The following IRAK4 variants were observed in gnomAD, a reference collection of about 807,000 sequenced individuals.
The protein encoded by IRAK4 is interleukin 1 receptor associated kinase 4, also known as interleukin-1 receptor-associated kinase 4.
IRAK4 carries 44 observed loss-of-function variants against 51.8 expected under a neutral mutation model. The ratio of observed to expected loss-of-function variants is 0.85; its 90% CI spans 0.67 to 1.09. IRAK4 has a LOEUF of 1.09. Among genes scored for constraint, IRAK4 ranks in the 50% least tolerant of loss-of-function variants. The pLI is 0.00. For missense variants in IRAK4, 487 were observed against 538.0 expected, an observed-to-expected ratio of 0.91 and a Z score of 0.94; for synonymous variants, 149 against 174.1, an observed-to-expected ratio of 0.86 and a Z score of 1.13.
chr12:43,783,848 C>T (rs193144060), intron 10 of IRAK4, 124 bp downstream of exon 10: 127 of 693,228 alleles, frequency 1.8e-4, no homozygotes, highest in Admixed American at 5.6e-4. Context: ...GGCTATTACA[C>T]GACAGCATAT....
intron 1 of IRAK4, 101 bp from the exon 2 acceptor site, chr12:43,768,002 T>C (rs899157435): frequency 1.7e-5 from 14 of 800,848 alleles, no homozygotes; most frequent in Non-Finnish European, 3.0e-5. Context: ...TATAATCAGT[T>C]GCTGACATTT....
At chr12:43,759,580 A>C (rs1319999698) in intron 1 of IRAK4, 1 of 152,822 alleles carries the variant, frequency 6.5e-6, no homozygotes, top group Non-Finnish European at 1.5e-5. Context: ...GGATAAAAGC[A>C]AACCCTGTCC....
At position 43,778,269 on chromosome 12, in the gene IRAK4, A is replaced by C. The variant is rs1325991231; in HGVS notation, c.908A>C (p.His303Pro). ...GCAGCTAATGGCATCAATTTTCTAC[A>C]TGAAAATCATCATATTCATAGAGAT... ...QGAANGINFL[H>P]ENHHIHRDIK... Residue 303 changes from histidine (H) to proline (P), a missense_variant, in exon 8 of 12, where the codon CAT (histidine) becomes CCT (proline). By Grantham distance (77) the His-to-Pro change is moderately conservative. Transcript: ENST00000613694. 2 of 1,603,270 alleles carry C rather than the reference A, an allele frequency of 1.2e-6. No individual in the cohort carries two copies. The highest frequency in any genetic ancestry group is 1.7e-6 in the Non-Finnish European group (2 of 1,170,408).
Position 43,777,052 on chromosome 12 carries a change from T to C in IRAK4, c.717-578T>C, listed in dbSNP as rs140822766. On this transcript the variant is annotated intron_variant, in intron 6 of 11. Transcript: ENST00000613694. ...TCAGCCTAGTCCTTAACCAAACTTATCACAAGTTCCAAAAATCTGAATTAT... is the reference window on the plus strand; with the variant it reads ...TCAGCCTAGTCCTTAACCAAACTTACCACAAGTTCCAAAAATCTGAATTAT... Among the ~76,000 whole-genome samples, 22 of 152,290 alleles carry C rather than the reference T, an allele frequency of 1.4e-4. No homozygotes were observed. The East Asian group carries it at 3.3e-3, about 23-fold the overall frequency.
In IRAK4 at chr12:43,771,287, A is replaced by G. The variant is rs1555167569; in HGVS notation, c.229A>G (p.Thr77Ala). ...TGAATTACTGTTTGACTGGGGCACC[A>G]CAAATTGCACAGTTGGTGATCTTGT... ...TSELLFDWGT[T>A]NCTVGDLVDL... The change falls in exon 3 of 12, where the codon ACA (threonine) becomes GCA (alanine). Residue 77 changes from threonine to alanine, a missense_variant. Transcript: ENST00000613694. 1 of 1,614,132 alleles carries G rather than the reference A, an allele frequency of 6.2e-7. No individual in the cohort carries two copies. Among genetic ancestry groups the G allele is most frequent in the Non-Finnish European group, 8.5e-7 (1 of 1,179,986 alleles).
At chr12:43,769,118 G>A (rs1261559347) in intron 2 of IRAK4, among the ~76,000 whole-genome samples, 1 of 151,832 alleles carries the variant, frequency 6.6e-6, no homozygotes, top group East Asian at 1.9e-4. Flanking sequence ...TTGGGGCAGT[G>A]GTGGCAGGAA....
chr12:43,766,111 A>G (rs4251571), intron 1 of IRAK4, among the ~76,000 whole-genome samples: 2,538 of 152,292 alleles, frequency 0.017, 34 homozygotes, highest in Middle Eastern at 0.037. Flanking sequence ...TAAAAATCCT[A>G]AAGTGGCTCT....
At chr12:43,777,058 G>T (rs1941340992) in intron 6 of IRAK4, among the ~76,000 whole-genome samples, 1 of 152,168 alleles carries the variant, frequency 6.6e-6, no homozygotes, top group Non-Finnish European at 1.5e-5. Flanking sequence ...CTTATCACAA[G>T]TTCCAAAAAT....
chr12:43,761,563 G>A (rs1022638680), intron 1 of IRAK4, among the ~76,000 whole-genome samples: 1 of 151,740 alleles, frequency 6.6e-6, no homozygotes, highest in East Asian at 1.9e-4. Context: ...TACTATCTCT[G>A]TTTTTCAGAT....
chr12:43,764,603 G>A (rs1939922655), intron 1 of IRAK4, among the ~76,000 whole-genome samples: 1 of 152,134 alleles, frequency 6.6e-6, no homozygotes, highest in Non-Finnish European at 1.5e-5. Context: ...GCTCTATGAA[G>A]ATTTTTCAAG....
Position 43,773,939 on chromosome 12 carries a change from T to G in IRAK4, c.652-26T>G, listed in dbSNP as rs1391646601. The G allele has an allele frequency of 4.8e-6, 7 of 1,461,454 alleles. No individual in the cohort carries two copies. The African/African-American group carries it at 5.6e-5, about 12-fold the overall frequency. 90.5% of individuals were successfully genotyped at this position (1,461,454 alleles called of 1,614,324 possible). On this transcript the variant is annotated intron_variant, in intron 5 of 11. Coordinates refer to ENST00000613694, the MANE Select transcript of IRAK4 (RefSeq NM_016123.4). The stretch of plus-strand genomic sequence containing the variant: ...TTAGGAACCTTAGAATTGTGTAGTA[T>G]TACATTGTATATTTTATTTTTTCAG...
intron 6 of IRAK4, among the ~76,000 whole-genome samples, chr12:43,774,394 G>A (rs1941081075): frequency 6.6e-6 from 1 of 151,998 alleles, no homozygotes; most frequent in African/African-American, 2.4e-5. Flanking sequence ...ACAGGCGTGT[G>A]CCACCATGCC....
chr12:43,769,986 A>C (rs1940580876), intron 2 of IRAK4, among the ~76,000 whole-genome samples: 1 of 152,196 alleles, frequency 6.6e-6, no homozygotes, highest in Admixed American at 6.5e-5. Context: ...GAGAGAATGC[A>C]CAAGAGCCCA....
chr12:43,759,310 C>A (rs538974475), intron 1 of IRAK4: 1 of 152,386 alleles, frequency 6.6e-6, no homozygotes, highest in East Asian at 1.9e-4. Context: ...TTTCTCACCT[C>A]TCAGGCCCTG....
At chr12:43,767,322 CT>C (rs1940257663) in intron 1 of IRAK4, among the ~76,000 whole-genome samples, 1 of 152,148 alleles carries the variant, frequency 6.6e-6, no homozygotes, top group African/African-American at 2.4e-5. Flanking sequence ...GTTGAAGGCC[CT>C]GTGGAAAGGG....
chr12:43,766,999 G>A (rs573160950), intron 1 of IRAK4, among the ~76,000 whole-genome samples: 4 of 152,306 alleles, frequency 2.6e-5, no homozygotes, highest in African/African-American at 9.6e-5. Context: ...CCAAAGAGAA[G>A]AAGTGAATAC....
chr12:43,777,104 G>C (rs1275858042), intron 6 of IRAK4, among the ~76,000 whole-genome samples: 1 of 152,174 alleles, frequency 6.6e-6, no homozygotes, highest in South Asian at 2.1e-4. Flanking sequence ...AATAGAAAGA[G>C]GTTTGGCCAG....
chr12:43,768,394 T>C (rs1164844792), intron 2 of IRAK4, 122 bp downstream of exon 2: 4 of 697,302 alleles, frequency 5.7e-6, no homozygotes, highest in Admixed American at 2.9e-5. Flanking sequence ...GGAGGAGACA[T>C]TGGTAGTAGG....
At chr12:43,767,225 CAAATA>C (rs1940246660) in intron 1 of IRAK4, among the ~76,000 whole-genome samples, 1 of 151,950 alleles carries the variant, frequency 6.6e-6, no homozygotes, top group East Asian at 1.9e-4. Context: ...ACACGCAGAA[CAAATA>C]AAATCCACAT....
Sources: gnomAD v4.1 joint callset for allele counts (sites outside exome capture counted in the v4.1 genomes callset) on GRCh38, gnomAD v4.1.1 for gene constraint, MANE v1.5 for transcripts, NCBI Gene and HGNC (gene_info 2026-07-23, HGNC 2026-07-21) for gene names.